Variants in PAQR8 observed in about 807,000 individuals in gnomAD.
PAQR8 encodes the protein membrane progestin receptor beta.
In PAQR8, 17 loss-of-function variants were observed where a neutral mutation model predicts 25.2. The ratio of observed to expected loss-of-function variants is 0.67; its 90% CI spans 0.46 to 1.01. The LOEUF (loss-of-function observed/expected upper bound fraction) is 1.01, where lower values mean the gene tolerates loss of function less well. PAQR8 is among the 50% of genes least tolerant of loss of function. PAQR8 has a pLI of 0.00. For synonymous variants in PAQR8, 204 were observed against 190.6 expected (o/e 1.07, Z -0.58); for missense variants, 392 against 448.4 (o/e 0.87, Z 1.14).
chr6:52,376,500 G>A (rs758102868), intron 1 of PAQR8, among the ~76,000 whole-genome samples: 2 of 152,224 alleles, frequency 1.3e-5, no homozygotes, highest in African/African-American at 2.4e-5. Context: ...AGGACAGGCA[G>A]AGATACTTTT....
intron 1 of PAQR8, among the ~76,000 whole-genome samples, chr6:52,380,191 A>G (rs191355036): frequency 1.8e-4 from 27 of 152,360 alleles, no homozygotes; most frequent in Non-Finnish European, 2.8e-4. Context: ...GAAATGCGGT[A>G]TTAAATCAAT....
intron 1 of PAQR8, among the ~76,000 whole-genome samples, chr6:52,385,061 C>T (rs185545230): frequency 1.3e-5 from 2 of 152,258 alleles, no homozygotes; most frequent in African/African-American, 4.8e-5. Flanking sequence ...GGCTGTGTCC[C>T]CACCCAATCT....
intron 1 of PAQR8, among the ~76,000 whole-genome samples, chr6:52,393,362 G>T (rs553109313): frequency 3.1e-4 from 41 of 133,696 alleles, no homozygotes; most frequent in African/African-American, 1.1e-3. Context: ...TTGAGACGGC[G>T]TCTTGCTCTG....
chr6:52,396,243 G>A (rs1052953760), intron 1 of PAQR8, among the ~76,000 whole-genome samples: 2 of 152,182 alleles, frequency 1.3e-5, no homozygotes, highest in East Asian at 1.9e-4. Flanking sequence ...GCCAGTCTGG[G>A]AGTTAAGAAA....
intron 1 of PAQR8, among the ~76,000 whole-genome samples, chr6:52,397,878 A>C (rs935983147): frequency 6.6e-6 from 1 of 152,198 alleles, no homozygotes; most frequent in Admixed American, 6.5e-5. Context: ...AGGCTTCAAC[A>C]TCATGATGAC....
Position 52,404,122 on chromosome 6 carries a change from C to A in PAQR8, c.909C>A (p.Asp303Glu), listed in dbSNP as rs1178667999. 1.2e-6 allele frequency: 2 copies of A among 1,614,258 alleles called. No individual in the cohort carries two copies. The highest frequency in any genetic ancestry group is 2.2e-5 in the South Asian group (2 of 91,084). Residue 303 changes from aspartate (D) to glutamate (E), a missense_variant, in exon 2 of 2, where the codon GAC becomes GAA. Coordinates refer to ENST00000442253, the MANE Select transcript of PAQR8 (RefSeq NM_133367.5). ...TLSQLEAILL[D>E]YQGRQEIFLQ... is the part of the protein sequence containing the mutation. ...CCCAGCTGGAGGCCATCCTCCTGGACTACCAGGGGCGGCAGGAGATCTTCC... is the reference window on the plus strand; with the variant it reads ...CCCAGCTGGAGGCCATCCTCCTGGAATACCAGGGGCGGCAGGAGATCTTCC...
intron 1 of PAQR8, among the ~76,000 whole-genome samples, chr6:52,383,060 G>A (rs1390577827): frequency 6.6e-6 from 1 of 152,248 alleles, no homozygotes; most frequent in Non-Finnish European, 1.5e-5. Flanking sequence ...ATTGGTGTGA[G>A]CCACTATGCC....
At chr6:52,401,613 C>T (rs1372783825) in intron 1 of PAQR8, among the ~76,000 whole-genome samples, 1 of 152,078 alleles carries the variant, frequency 6.6e-6, no homozygotes, top group Non-Finnish European at 1.5e-5. Flanking sequence ...AAATGAACAA[C>T]AGTCTTTGCA....
At chr6:52,369,988 G>T (rs1462167764) in intron 1 of PAQR8, among the ~76,000 whole-genome samples, 1 of 152,110 alleles carries the variant, frequency 6.6e-6, no homozygotes, top group Non-Finnish European at 1.5e-5. Flanking sequence ...TTTCAAGAAA[G>T]TAGAAACTGA....
At chr6:52,372,127 G>T (rs190103726) in intron 1 of PAQR8, among the ~76,000 whole-genome samples, 4 of 152,038 alleles carry the variant, frequency 2.6e-5, no homozygotes, top group Non-Finnish European at 4.4e-5. Flanking sequence ...TCACTATTTT[G>T]TATGCCTGTG....
intron 1 of PAQR8, among the ~76,000 whole-genome samples, chr6:52,378,602 C>T (rs113783173): frequency 0.014 from 2,181 of 151,468 alleles, 29 homozygotes; most frequent in South Asian, 0.068. Flanking sequence ...ACCAGCCTGA[C>T]CAACATGATG....
chr6:52,403,245 C>T lies in PAQR8; in HGVS notation c.32C>T (p.Thr11Ile), dbSNP rs1348762849. Residue 11 changes from threonine (T) to isoleucine (I), a missense_variant, in exon 2 of 2, where the codon ACC (threonine) becomes ATC (isoleucine). Physicochemically the swap from Thr to Ile is moderately conservative, Grantham distance 89. Transcript: ENST00000442253. The part of the protein sequence containing the change: MTTAILERLS[T>I]LSVSGQQLRR... Reference sequence around the variant, plus strand: ...ACCGCCATCTTGGAGCGCCTGAGCACCCTGTCGGTCAGCGGGCAGCAGCTG... The same window carrying T: ...ACCGCCATCTTGGAGCGCCTGAGCATCCTGTCGGTCAGCGGGCAGCAGCTG... 2 of 1,608,092 alleles carry T rather than the reference C, an allele frequency of 1.2e-6. No individual in the cohort carries two copies. Among genetic ancestry groups the T allele is most frequent in the South Asian group, 2.2e-5 (2 of 90,976 alleles).
intron 1 of PAQR8, among the ~76,000 whole-genome samples, chr6:52,391,218 C>T (rs184077757): frequency 6.6e-6 from 1 of 152,282 alleles, no homozygotes; most frequent in African/African-American, 2.4e-5. Flanking sequence ...TGAGAATGTA[C>T]AATGTGCTAG....
chr6:52,400,710 C>G (rs1371230802), intron 1 of PAQR8, among the ~76,000 whole-genome samples: 6 of 152,210 alleles, frequency 3.9e-5, no homozygotes, highest in Non-Finnish European at 8.8e-5. Context: ...TACCCCCATC[C>G]TTTCCCTGTT....
At chr6:52,364,044 G>A (rs2113931102) in intron 1 of PAQR8, among the ~76,000 whole-genome samples, 1 of 142,298 alleles carries the variant, frequency 7.0e-6, no homozygotes, top group African/African-American at 2.6e-5. Context: ...ACCCAGAGTA[G>A]AGGAATCTTA....
chr6:52,404,535 T>C lies in PAQR8; in HGVS notation c.*257T>C, dbSNP rs1763884950. On this transcript the variant is annotated 3_prime_UTR_variant, in exon 2 of 2. Transcript: ENST00000442253. Reference sequence around the variant, plus strand: ...GATCTTGACTAAGATTCATGAGACATTGAATTAAGGAGAATCATCTTCATG... The same window carrying C: ...GATCTTGACTAAGATTCATGAGACACTGAATTAAGGAGAATCATCTTCATG... The C allele has an allele frequency of 2.6e-6, 1 of 380,386 alleles. No homozygotes were observed. The highest frequency in any genetic ancestry group is 4.9e-6 in the Non-Finnish European group (1 of 202,560). 23.6% of individuals were successfully genotyped at this position (380,386 alleles called of 1,614,324 possible). A position where few individuals can be genotyped will look rare whatever the true frequency, so the allele number is the denominator to read the frequency against.
At chr6:52,393,333 C>CTTTTTTTTTTTT (rs35079265) in intron 1 of PAQR8, among the ~76,000 whole-genome samples, 1 of 111,192 alleles carries the variant, frequency 9.0e-6, no homozygotes. Flanking sequence ...CTTTCTCTCT[C>CTTTTTTTTTTTT]TTTTTTTTTT....
Position 52,404,054 on chromosome 6 carries a change from G to A in PAQR8, c.841G>A (p.Gly281Arg). 6.2e-7 allele frequency: 1 copy of A among 1,614,198 alleles called. No individual in the cohort carries two copies. The highest frequency in any genetic ancestry group is 8.5e-7 in the Non-Finnish European group (1 of 1,180,042). ...FPGSCDIVGH[G>R]HQIFHAFLSI... ...GGGTTCCTGTGACATCGTGGGCCAT[G>A]GGCATCAGATCTTCCATGCATTTCT... Residue 281 changes from glycine to arginine, a missense_variant, in exon 2 of 2, where the codon GGG becomes AGG. Coordinates refer to ENST00000442253, the MANE Select transcript of PAQR8 (RefSeq NM_133367.5).
In PAQR8 at chr6:52,404,006, C is replaced by A; in HGVS notation, c.793C>A (p.Pro265Thr). 2.5e-6 allele frequency: 4 copies of A among 1,614,224 alleles called. No homozygotes were observed. Among genetic ancestry groups the A allele is most frequent in the Middle Eastern group, 1.6e-4 (1 of 6,062 alleles). The change falls in exon 2 of 2, where the codon CCC becomes ACC. Residue 265 changes from proline to threonine, a missense_variant. Physicochemically the swap from Pro to Thr is conservative, Grantham distance 38 (BLOSUM62 -1). Coordinates refer to ENST00000442253, the MANE Select transcript of PAQR8 (RefSeq NM_133367.5). Reference sequence around the variant, plus strand: ...GGTTAGCGCTTATTTCTTCTCCTGCCCCGTGCCTGAGAAGTACTTCCCGGG... The same window carrying A: ...GGTTAGCGCTTATTTCTTCTCCTGCACCGTGCCTGAGAAGTACTTCCCGGG... The part of the protein sequence containing the change: ...FLVSAYFFSC[P>T]VPEKYFPGSC...
Sources: allele counts gnomAD v4.1 joint callset (sites outside exome capture counted in the v4.1 genomes callset), GRCh38; gene constraint gnomAD v4.1.1; transcripts MANE v1.5; gene names NCBI Gene and HGNC (gene_info 2026-07-23, HGNC 2026-07-21).